Variants in ERC2 observed in about 807,000 individuals in gnomAD.
ERC2 encodes ERC protein 2.
ERC2 carries 42 observed loss-of-function variants against 114.8 expected under a neutral mutation model. The observed-to-expected ratio is 0.37, with a 90% CI of 0.29 to 0.47. ERC2 has a LOEUF of 0.47. ERC2 is among the 20% of genes least tolerant of loss of function. The probability of loss-of-function intolerance (pLI) is 0.99; values close to 1 mark genes in which losing one functional copy is unlikely to be tolerated. For missense variants in ERC2, 939 were observed against 1,150.7 expected (o/e 0.82, Z 2.66); for synonymous variants, 454 against 425.5 (o/e 1.07, Z -0.82).
At chr3:56,297,281 G>A (rs2055509334) in intron 2 of ERC2, among the ~76,000 whole-genome samples, 3 of 151,924 alleles carry the variant, frequency 2.0e-5, no homozygotes, top group Admixed American at 2.0e-4. Flanking sequence ...GCTACATGGA[G>A]TTTATAGCAT....
Position 56,311,290 on chromosome 3 carries a change from TAC to T in ERC2, c.658-14857_658-14856del, listed in dbSNP as rs1484053205. Among the ~76,000 whole-genome samples, 465 of 61,244 alleles carry T rather than the reference TAC, an allele frequency of 7.6e-3. 5 individuals are homozygous for T. Among genetic ancestry groups the T allele is most frequent in the African/African-American group, 0.017 (337 of 19,296 alleles). 40.2% of individuals were successfully genotyped at this position (61,244 alleles called of 152,430 possible). A position where few individuals can be genotyped will look rare whatever the true frequency, so the allele number is the denominator to read the frequency against. On this transcript the variant is annotated intron_variant, in intron 2 of 17. Transcript: ENST00000288221. ...ATATATATATATATATATATATATA[TAC>T]ACACATATATATAATTTTTTTTTTT... is the stretch of plus-strand genomic sequence containing the variant.
intron 2 of ERC2, among the ~76,000 whole-genome samples, chr3:56,318,961 C>CAAAA (rs35256298): frequency 2.5e-5 from 2 of 81,560 alleles, no homozygotes; most frequent in African/African-American, 4.9e-5. Flanking sequence ...GACCCTGTCT[C>CAAAA]AAAAAAAAAA....
rs2058645636 is a variant in ERC2 at position 56,353,869 on chromosome 3, TACTC to T, written c.658-57438_658-57435del. Among the ~76,000 whole-genome samples the T allele has an allele frequency of 2.0e-5, 3 of 151,912 alleles. No individual in the cohort carries two copies. In the South Asian group the frequency reaches 6.2e-4, roughly 32 times the overall value. On this transcript the variant is annotated intron_variant, in intron 2 of 17. Transcript: ENST00000288221. ...CATGTATTAAATGCTTACTATATTTTACTCACTATACTGGAAACCAAATATGCAA... is the reference window on the plus strand; with the variant it reads ...CATGTATTAAATGCTTACTATATTTTACTATACTGGAAACCAAATATGCAA...
At chr3:55,595,161 A>AC (rs2058071211) in intron 17 of ERC2, among the ~76,000 whole-genome samples, 1 of 152,228 alleles carries the variant, frequency 6.6e-6, no homozygotes, top group Non-Finnish European at 1.5e-5. Context: ...GCTTAGAAGG[A>AC]CCCAGCAGTT....
chr3:55,614,111 G>C (rs959374054), intron 17 of ERC2, among the ~76,000 whole-genome samples: 2 of 151,050 alleles, frequency 1.3e-5, no homozygotes, highest in South Asian at 4.2e-4. Context: ...AAAATGAACA[G>C]ATCAGCCTGA....
At chr3:56,443,286 C>T (rs1292461002) in intron 1 of ERC2, among the ~76,000 whole-genome samples, 3 of 152,190 alleles carry the variant, frequency 2.0e-5, no homozygotes, top group Non-Finnish European at 2.9e-5. Flanking sequence ...AGGAAATTCA[C>T]AGACCATCAA....
chr3:55,699,604 C>T (rs2063119194), intron 15 of ERC2, 92 bp from the exon 16 acceptor site: 2 of 1,328,196 alleles, frequency 1.5e-6, no homozygotes, highest in Non-Finnish European at 1.0e-6. Context: ...TATAGGGATC[C>T]CTTTGTTCCT....
At chr3:55,646,571 C>T (rs2060408710) in intron 17 of ERC2, among the ~76,000 whole-genome samples, 2 of 152,254 alleles carry the variant, frequency 1.3e-5, no homozygotes, top group South Asian at 4.1e-4. Flanking sequence ...AATATTTGTT[C>T]CTTTTTCACC....
chr3:56,403,667 CCTAAAGTTTGAGAAG>C (rs2060605841), intron 2 of ERC2, among the ~76,000 whole-genome samples: 1 of 152,124 alleles, frequency 6.6e-6, no homozygotes, highest in Non-Finnish European at 1.5e-5. Flanking sequence ...TAGTGTGCAT[CCTAAAGTTTGAGAAG>C]CACAGTACCG....
chr3:56,414,859 A>G (rs1336170905), intron 2 of ERC2, among the ~76,000 whole-genome samples: 1 of 152,152 alleles, frequency 6.6e-6, no homozygotes, highest in Admixed American at 6.5e-5. Flanking sequence ...TCCATATTTT[A>G]CCAACATTTC....
At chr3:55,830,504 C>T (rs1393177837) in intron 14 of ERC2, among the ~76,000 whole-genome samples, 2 of 152,102 alleles carry the variant, frequency 1.3e-5, no homozygotes, top group Admixed American at 6.5e-5. Flanking sequence ...TTTCAATGTA[C>T]ATATATAATA....
rs555098674 is a variant in ERC2, at chr3:55,670,473, C to T, written c.*39+13321G>A. 2.0e-5 allele frequency among the ~76,000 whole-genome samples: 3 copies of T among 152,294 alleles called. No homozygotes were observed. The South Asian group carries it at 6.2e-4, about 32-fold the overall frequency. On this transcript the variant is annotated intron_variant, in intron 17 of 17. Coordinates refer to ENST00000288221, the MANE Select transcript of ERC2 (RefSeq NM_015576.3). ...GGGAGTTTGTTGGGGAGCTTGAAGA[C>T]TACAGCAGAGATTGAAAAGGGTCAC...
chr3:55,694,553 T>G (rs574600318), intron 16 of ERC2, among the ~76,000 whole-genome samples: 1 of 152,318 alleles, frequency 6.6e-6, no homozygotes, highest in Admixed American at 6.5e-5. Flanking sequence ...TCAGAAAGTC[T>G]CAAAGGTGGT....
chr3:56,356,853 T>C (rs4974202), intron 2 of ERC2, among the ~76,000 whole-genome samples: 45,639 of 152,066 alleles, frequency 0.3, 7,037 homozygotes, highest in Admixed American at 0.33. Flanking sequence ...AATTTTCCTA[T>C]GCTGGGTAAA....
At chr3:56,049,818 ATGTGTGTGTGTGTGTGTG>A (rs3052672) in intron 7 of ERC2, among the ~76,000 whole-genome samples, 107 of 145,320 alleles carry the variant, frequency 7.4e-4, no homozygotes, top group African/African-American at 2.4e-3. Flanking sequence ...CCCATCATAT[ATGTGTGTGTGTGTGTGTG>A]TGTGTGTGTG....
At chr3:55,794,482 A>G (rs2070315417) in intron 14 of ERC2, among the ~76,000 whole-genome samples, 1 of 152,164 alleles carries the variant, frequency 6.6e-6, no homozygotes, top group African/African-American at 2.4e-5. Flanking sequence ...CACACATGTG[A>G]AGACTTGGTT....
chr3:56,405,885 T>C (rs1286523609), intron 2 of ERC2, among the ~76,000 whole-genome samples: 1 of 141,430 alleles, frequency 7.1e-6, no homozygotes, highest in African/African-American at 2.7e-5. Context: ...GAACTTTTTT[T>C]TCTTTTTTTT....
chr3:55,692,166 T>C (rs1253187736), intron 16 of ERC2, among the ~76,000 whole-genome samples: 2 of 152,104 alleles, frequency 1.3e-5, no homozygotes, highest in African/African-American at 4.8e-5. Flanking sequence ...GACTAATCTG[T>C]TGGTGAAAGT....
intron 14 of ERC2, among the ~76,000 whole-genome samples, chr3:55,800,734 C>T (rs980129024): frequency 6.6e-6 from 1 of 152,062 alleles, no homozygotes; most frequent in Non-Finnish European, 1.5e-5. Flanking sequence ...TCTCTCCTTG[C>T]TTTCTTCCCC....
Sources: gnomAD v4.1 joint callset for allele counts (sites outside exome capture counted in the v4.1 genomes callset) on GRCh38, gnomAD v4.1.1 for gene constraint, MANE v1.5 for transcripts, NCBI Gene and HGNC (gene_info 2026-07-23, HGNC 2026-07-21) for gene names.